The following ABCA13 variants were observed in gnomAD, a reference collection of about 807,000 sequenced individuals.
The protein encoded by ABCA13 is ATP-binding cassette sub-family A member 13.
Under a neutral mutation model 478.7 loss-of-function variants are expected in ABCA13, and 476 were observed. The ratio of observed to expected loss-of-function variants is 0.99; its 90% CI spans 0.92 to 1.07. The LOEUF (loss-of-function observed/expected upper bound fraction) is 1.07. Ranked by LOEUF, ABCA13 falls within the 50% of genes least tolerant of loss-of-function variation. The probability of loss-of-function intolerance (pLI) is 0.00; values close to 1 mark genes in which losing one functional copy is unlikely to be tolerated. For synonymous variants in ABCA13, 2,252 were observed against 2,158.9 expected (o/e 1.04, Z -1.20); for missense variants, 6,060 against 5,910.6 (o/e 1.03, Z -0.83).
chr7:48,171,935 C>G (rs866833167), intron 1 of ABCA13, among the ~76,000 whole-genome samples: 1 of 152,210 alleles, frequency 6.6e-6, no homozygotes, highest in African/African-American at 2.4e-5. Context: ...CAGAATGCTA[C>G]AGGTACTGAC....
intron 38 of ABCA13, among the ~76,000 whole-genome samples, chr7:48,394,160 A>G (rs1265373575): frequency 6.6e-6 from 1 of 152,052 alleles, no homozygotes; most frequent in African/African-American, 2.4e-5. Context: ...TATAATCTAA[A>G]GGTATGGAGG....
intron 55 of ABCA13, among the ~76,000 whole-genome samples, chr7:48,553,869 C>T (rs1785541942): frequency 6.6e-6 from 1 of 151,940 alleles, no homozygotes; most frequent in Admixed American, 6.6e-5. Flanking sequence ...TGGGGTATTA[C>T]TCAAGAAATT....
At chr7:48,359,418 C>T (rs369732128) in intron 31 of ABCA13, among the ~76,000 whole-genome samples, 7 of 151,922 alleles carry the variant, frequency 4.6e-5, no homozygotes, top group East Asian at 3.9e-4. Context: ...CTGTGTTGTG[C>T]GGAAGGCAGC....
chr7:48,275,875 C>T lies in ABCA13; in HGVS notation c.6209C>T (p.Thr2070Ile), dbSNP rs1467253265. 6.2e-7 allele frequency: 1 copy of T among 1,613,478 alleles called. No homozygotes were observed. Among genetic ancestry groups the T allele is most frequent in the Admixed American group, 1.7e-5 (1 of 59,978 alleles). ...PKFQQIMKDL[T>I]QDFRIRHLLS... ...TTTCAACAAATCATGAAAGACCTAA[C>T]CCAAGATTTTAGAATCAGACACCTG... is the stretch of plus-strand genomic sequence containing the variant. Residue 2070 changes from threonine (T) to isoleucine (I), a missense_variant, in exon 17 of 62, where the codon ACC becomes ATC. By Grantham distance (89) the Thr-to-Ile change is moderately conservative. This residue lies in a region of ABCA13 where 4,423 missense variants were observed against 4,309.1 expected (regional missense o/e 1.03). Transcript: ENST00000435803.
At chr7:48,504,149 T>C (rs1434804220) in intron 48 of ABCA13, among the ~76,000 whole-genome samples, 1 of 151,966 alleles carries the variant, frequency 6.6e-6, no homozygotes, top group Non-Finnish European at 1.5e-5. Flanking sequence ...CATAAGCAAA[T>C]GACAACATAT....
intron 47 of ABCA13, among the ~76,000 whole-genome samples, chr7:48,485,464 A>G (rs577914357): frequency 2.0e-5 from 3 of 152,354 alleles, no homozygotes; most frequent in African/African-American, 7.2e-5. Flanking sequence ...AAAAAGAAAA[A>G]GAAAGAAATA....
intron 2 of ABCA13, among the ~76,000 whole-genome samples, chr7:48,197,460 A>C (rs1428217065): frequency 6.6e-6 from 1 of 152,160 alleles, no homozygotes; most frequent in Non-Finnish European, 1.5e-5. Context: ...CAAGTTTTCC[A>C]GGGCAGTTCA....
At chr7:48,374,927 G>A (rs756085621) in intron 34 of ABCA13, among the ~76,000 whole-genome samples, 11 of 152,092 alleles carry the variant, frequency 7.2e-5, no homozygotes, top group Non-Finnish European at 1.3e-4. Context: ...AGGTCAGTGG[G>A]GCCATTAGAT....
At chr7:48,412,164 A>G (rs73694620) in intron 40 of ABCA13, among the ~76,000 whole-genome samples, 189 bp from the exon 41 acceptor site, 2,527 of 152,204 alleles carry the variant, frequency 0.017, 56 homozygotes, top group African/African-American at 0.057. Flanking sequence ...CTGCAGATTT[A>G]TATTTTTTAA....
intron 41 of ABCA13, among the ~76,000 whole-genome samples, chr7:48,419,463 T>C (rs1453132940): frequency 2.0e-5 from 3 of 152,338 alleles, no homozygotes; most frequent in South Asian, 2.1e-4. Flanking sequence ...GACAAATGTA[T>C]AGAGTTGTAG....
At chr7:48,208,060 CT>C (rs1463085978) in intron 3 of ABCA13, among the ~76,000 whole-genome samples, 14 of 152,084 alleles carry the variant, frequency 9.2e-5, no homozygotes, top group African/African-American at 3.1e-4. Flanking sequence ...CTGTTCTTTC[CT>C]CATTGAATGT....
At chr7:48,600,018 G>A (rs77321942) in intron 58 of ABCA13, among the ~76,000 whole-genome samples, 2,595 of 152,178 alleles carry the variant, frequency 0.017, 73 homozygotes, top group African/African-American at 0.059. Context: ...ATAAGATATT[G>A]AAATATTCAA....
chr7:48,459,639 A>C lies in ABCA13; in HGVS notation c.12815+4353A>C, dbSNP rs549401226. Among the ~76,000 whole-genome samples the C allele has an allele frequency of 1.4e-4, 21 of 152,256 alleles. No homozygotes were observed. The East Asian group carries it at 4.1e-3, about 29-fold the overall frequency. The stretch of plus-strand genomic sequence containing the variant: ...GCGGGAGATTCTTGCCTTTCTTCCT[A>C]CAGGGAGACTTCCTGGAGCTTAAGG... On this transcript the variant is annotated intron_variant, in intron 43 of 61. Coordinates refer to ENST00000435803, the MANE Select transcript of ABCA13 (RefSeq NM_152701.5).
At chr7:48,318,720 C>G (rs753268149) in intron 27 of ABCA13, among the ~76,000 whole-genome samples, 2 of 151,982 alleles carry the variant, frequency 1.3e-5, no homozygotes, top group Admixed American at 1.3e-4. Flanking sequence ...CGCCATTACT[C>G]GAATTTCCTT....
chr7:48,312,927 A>G (rs965942518), intron 24 of ABCA13, 140 bp from the exon 25 acceptor site: 6 of 804,254 alleles, frequency 7.5e-6, no homozygotes, highest in African/African-American at 1.8e-5. Flanking sequence ...TAACTTTCAT[A>G]TAGTACCGCA....
rs778854629 is a variant in ABCA13 at position 48,274,242 on chromosome 7, AT to A, written c.4578del (p.Leu1527Ter). 5.0e-6 allele frequency: 8 copies of A among 1,613,134 alleles called. No individual in the cohort carries two copies. The South Asian group carries it at 8.8e-5, about 18-fold the overall frequency. ...QSNWRYFTEL[I>X]LRPIEMSDEI... ...CAATTGGAGATATTTTACTGAATTA[AT>A]TCTAAGACCAATAGAAATGTCAGAT... On this transcript the variant is annotated frameshift_variant, in exon 17 of 62. Transcript: ENST00000435803. LOFTEE classifies it high-confidence loss of function.
chr7:48,295,715 T>C lies in ABCA13; in HGVS notation c.8971T>C (p.Trp2991Arg). Reference protein sequence around the residue: ...QDHFQEIEKIWSSPNQLNCES... With the variant: ...QDHFQEIEKIRSSPNQLNCES... ...TGTTTTCTAGGAAATTGAAAAGATA[T>C]GGTCCTCGCCGAATCAGCTAAATTG... Residue 2991 changes from tryptophan to arginine, a missense_variant, in exon 21 of 62, where the codon TGG becomes CGG. This residue lies in a region of ABCA13 where 4,423 missense variants were observed against 4,309.1 expected (regional missense o/e 1.03). Transcript: ENST00000435803. 1 of 1,614,070 alleles carries C rather than the reference T, an allele frequency of 6.2e-7. No homozygotes were observed. Among genetic ancestry groups the C allele is most frequent in the Admixed American group, 1.7e-5 (1 of 60,032 alleles).
At chr7:48,425,531 G>C (rs1323191319) in intron 41 of ABCA13, among the ~76,000 whole-genome samples, 3 of 152,058 alleles carry the variant, frequency 2.0e-5, no homozygotes, top group South Asian at 2.1e-4. Flanking sequence ...CTCATCTTAA[G>C]CAAGGATAAT....
chr7:48,284,064 G>C (rs1797401883), intron 19 of ABCA13, among the ~76,000 whole-genome samples: 1 of 152,198 alleles, frequency 6.6e-6, no homozygotes, highest in Admixed American at 6.5e-5. Flanking sequence ...GCATCTCCCT[G>C]CATGCCATTG....
Sources: allele counts gnomAD v4.1 joint callset (sites outside exome capture counted in the v4.1 genomes callset), GRCh38; gene constraint gnomAD v4.1.1; regional missense constraint gnomAD v4.1.1; transcripts MANE v1.5; gene names NCBI Gene and HGNC (gene_info 2026-07-23, HGNC 2026-07-21).